The following GOLGA4 variants were observed in gnomAD, a reference collection of about 807,000 sequenced individuals.
The protein encoded by GOLGA4 is golgin A4, also known as golgin subfamily A member 4.
In GOLGA4, 169 loss-of-function variants were observed where a neutral mutation model predicts 265.9. The ratio of observed to expected loss-of-function variants is 0.64; its 90% CI spans 0.56 to 0.72. The LOEUF (loss-of-function observed/expected upper bound fraction) is 0.72. Ranked by LOEUF, GOLGA4 falls within the 30% of genes least tolerant of loss-of-function variation. The pLI is 0.00. For synonymous variants in GOLGA4, 923 were observed against 855.8 expected, an observed-to-expected ratio of 1.08 and a Z score of -1.37; for missense variants, 2,482 against 2,483.4, an observed-to-expected ratio of 1.00 and a Z score of 0.01.
In GOLGA4 at chr3:37,327,031, G is replaced by C; in HGVS notation, c.5145G>C (p.Val1715=). Residue 1715 remains valine, a synonymous_variant, in exon 14 of 24, where the codon GTG becomes GTC. Transcript: ENST00000361924. ...TLIVPRSAKN[V]AAYTEQEEAD... The stretch of plus-strand genomic sequence containing the variant: ...TTGTACCCAGATCAGCAAAAAATGT[G>C]GCAGCATATACTGAACAAGAAGAAG... The C allele has an allele frequency of 6.2e-7, 1 of 1,613,810 alleles. No homozygotes were observed. The highest frequency in any genetic ancestry group is 8.5e-7 in the Non-Finnish European group (1 of 1,179,788).
In GOLGA4 at chr3:37,279,148, C is replaced by T. The variant is rs1025208694; in HGVS notation, c.163-2810C>T. 1.1e-4 allele frequency among the ~76,000 whole-genome samples: 16 copies of T among 152,094 alleles called. 1 individual carries two copies. The highest frequency in any genetic ancestry group is 1.0e-3 in the Admixed American group (16 of 15,266). On this transcript the variant is annotated intron_variant, in intron 2 of 23. Transcript: ENST00000361924. ...TTGAAGACATGGTAAAAAGCACATC[C>T]TAGAGTTCTTAAAACATAGCAGCCT...
intron 2 of GOLGA4, among the ~76,000 whole-genome samples, chr3:37,261,146 T>G (rs2096768823): frequency 6.6e-6 from 1 of 151,938 alleles, no homozygotes; most frequent in Non-Finnish European, 1.5e-5. Context: ...ACTCCACCCT[T>G]GGTGACAGAG....
At chr3:37,265,894 A>T (rs1271092758) in intron 2 of GOLGA4, among the ~76,000 whole-genome samples, 3 of 151,700 alleles carry the variant, frequency 2.0e-5, no homozygotes, top group Admixed American at 6.6e-5. Context: ...AGGCATAGTG[A>T]TGTGCGCCTG....
chr3:37,262,620 T>TCA (rs2096772883), intron 2 of GOLGA4, among the ~76,000 whole-genome samples: 1 of 152,104 alleles, frequency 6.6e-6, no homozygotes, highest in Non-Finnish European at 1.5e-5. Flanking sequence ...AAGAACACTG[T>TCA]GGCTAGGCCT....
At chr3:37,334,192 A>C (rs1307469571) in intron 16 of GOLGA4, among the ~76,000 whole-genome samples, 1 of 152,230 alleles carries the variant, frequency 6.6e-6, no homozygotes, top group Non-Finnish European at 1.5e-5. Context: ...GATGGAAAAC[A>C]GCCTTTTACC....
chr3:37,321,646 A>G, intron 12 of GOLGA4, 85 bp from the exon 13 acceptor site: 1 of 1,247,762 alleles, frequency 8.0e-7, no homozygotes, highest in Non-Finnish European at 1.1e-6. Flanking sequence ...GCAGATCAAA[A>G]GAAATGAATG....
At chr3:37,282,638 G>A (rs544913590) in intron 3 of GOLGA4, among the ~76,000 whole-genome samples, 5 of 152,174 alleles carry the variant, frequency 3.3e-5, no homozygotes, top group African/African-American at 9.6e-5. Context: ...TAACTGATGC[G>A]GCTCCAAAAT....
chr3:37,246,153 A>G (rs2096718973), intron 1 of GOLGA4, among the ~76,000 whole-genome samples: 1 of 151,940 alleles, frequency 6.6e-6, no homozygotes, highest in Non-Finnish European at 1.5e-5. Flanking sequence ...CTAAAAATAC[A>G]AAAATTAGTG....
intron 22 of GOLGA4, 60 bp from the exon 23 acceptor site, chr3:37,361,183 A>G (rs971387722): frequency 7.5e-6 from 9 of 1,202,440 alleles, no homozygotes; most frequent in Admixed American, 3.4e-5. Flanking sequence ...CATACAATCT[A>G]TGTGTTATAT....
intron 17 of GOLGA4, among the ~76,000 whole-genome samples, chr3:37,336,603 A>G (rs189470329): frequency 7.6e-6 from 1 of 132,450 alleles, no homozygotes; most frequent in Non-Finnish European, 1.7e-5. Flanking sequence ...TCTGCTAAAA[A>G]TACAAAAAAA....
intron 10 of GOLGA4, among the ~76,000 whole-genome samples, chr3:37,308,229 G>T (rs536627310): frequency 2.0e-5 from 3 of 149,424 alleles, no homozygotes; most frequent in African/African-American, 7.4e-5. Context: ...ACGAAACTCT[G>T]TCTCAAAAAA....
intron 11 of GOLGA4, among the ~76,000 whole-genome samples, chr3:37,316,840 T>A (rs2096939036): frequency 6.6e-6 from 1 of 152,154 alleles, no homozygotes. Flanking sequence ...TATTAGGCTT[T>A]CCTTTAAATG....
chr3:37,279,862 A>G (rs908349370), intron 2 of GOLGA4, among the ~76,000 whole-genome samples: 1 of 151,786 alleles, frequency 6.6e-6, no homozygotes, highest in African/African-American at 2.4e-5. Context: ...AGCTGAGATC[A>G]CGCCACTGCA....
At position 37,300,209 on chromosome 3, in the gene GOLGA4, C is replaced by T. The variant is rs760187259; in HGVS notation, c.1086+838C>T. ...GGAGTTGGAGCAGCAGCTAAAGCTA[C>T]GCAGCAAAGACAACCAGAAAATTCA... On this transcript the variant is annotated intron_variant, in intron 9 of 23. Transcript: ENST00000361924. 5.3e-5 allele frequency among the ~76,000 whole-genome samples: 8 copies of T among 152,192 alleles called. No homozygotes were observed. The East Asian group carries it at 5.8e-4, about 11-fold the overall frequency.
At chr3:37,273,334 A>G (rs1030833493) in intron 2 of GOLGA4, among the ~76,000 whole-genome samples, 1 of 152,246 alleles carries the variant, frequency 6.6e-6, no homozygotes, top group Non-Finnish European at 1.5e-5. Flanking sequence ...TGTGTATTAC[A>G]GCAAAATGAA....
At chr3:37,309,194 G>A (rs2096915959) in intron 10 of GOLGA4, among the ~76,000 whole-genome samples, 1 of 151,550 alleles carries the variant, frequency 6.6e-6, no homozygotes, top group African/African-American at 2.4e-5. Flanking sequence ...GGAGGTTGCA[G>A]TGAGCCAAGA....
chr3:37,284,244 T>TA (rs1454438713), intron 3 of GOLGA4, among the ~76,000 whole-genome samples: 1 of 152,158 alleles, frequency 6.6e-6, no homozygotes, highest in Non-Finnish European at 1.5e-5. Flanking sequence ...GCAGGGTTGT[T>TA]ACACTGGTAA....
Position 37,315,515 on chromosome 3 carries a change from A to T in GOLGA4, c.1330A>T (p.Ile444Phe), listed in dbSNP as rs757953462. The T allele has an allele frequency of 3.1e-6, 5 of 1,613,914 alleles. No individual in the cohort carries two copies. In the Admixed American group the frequency reaches 8.3e-5, roughly 27 times the overall value. Reference protein sequence around the residue: ...KAEMDEQIKTIEKTSEEERIS... With the variant: ...KAEMDEQIKTFEKTSEEERIS... ...AGAAATGGATGAACAAATAAAAACTATCGAAAAAACAAGTGAGGAGGAACG... is the reference window on the plus strand; with the variant it reads ...AGAAATGGATGAACAAATAAAAACTTTCGAAAAAACAAGTGAGGAGGAACG... The change falls in exon 11 of 24, where the codon ATC becomes TTC. Residue 444 changes from isoleucine (I) to phenylalanine (F), a missense_variant. This residue lies in a region of GOLGA4 where 1,536 missense variants were observed against 1,483.7 expected (regional missense o/e 1.04). Coordinates refer to ENST00000361924, the MANE Select transcript of GOLGA4 (RefSeq NM_002078.5).
At chr3:37,272,011 C>T (rs2096800023) in intron 2 of GOLGA4, among the ~76,000 whole-genome samples, 1 of 152,164 alleles carries the variant, frequency 6.6e-6, no homozygotes, top group South Asian at 2.1e-4. Context: ...GTCACTGTCT[C>T]CCATCACCCC....
Sources: allele counts gnomAD v4.1 joint callset (sites outside exome capture counted in the v4.1 genomes callset), GRCh38; gene constraint gnomAD v4.1.1; regional missense constraint gnomAD v4.1.1; transcripts MANE v1.5; gene names NCBI Gene and HGNC (gene_info 2026-07-23, HGNC 2026-07-21).